Variants in FYN observed in about 807,000 individuals in gnomAD.
The protein encoded by FYN is FYN proto-oncogene, Src family tyrosine kinase.
FYN carries 10 observed loss-of-function variants against 70.2 expected under a neutral mutation model. That is an observed-to-expected ratio of 0.14 (90% confidence interval 0.09 to 0.24). FYN has a LOEUF of 0.24. Ranked by LOEUF, FYN falls within the 10% of genes least tolerant of loss-of-function variation. The pLI is 1.00. For missense variants in FYN, 319 were observed against 673.1 expected (o/e 0.47, Z 5.82); for synonymous variants, 236 against 248.6 (o/e 0.95, Z 0.48).
At chr6:111,729,004 G>A (rs182615985) in intron 3 of FYN, among the ~76,000 whole-genome samples, 2 of 152,102 alleles carry the variant, frequency 1.3e-5, no homozygotes, top group African/African-American at 4.8e-5. Context: ...ATACAATTTA[G>A]ATTAGTGAGA....
intron 12 of FYN, among the ~76,000 whole-genome samples, chr6:111,693,477 C>T (rs1583316902): frequency 6.6e-6 from 1 of 152,104 alleles, no homozygotes; most frequent in Non-Finnish European, 1.5e-5. Context: ...ACCTGGTGAC[C>T]ACTTTGTCAG....
intron 3 of FYN, among the ~76,000 whole-genome samples, chr6:111,728,504 C>G (rs1022572069): frequency 1.3e-5 from 2 of 152,166 alleles, no homozygotes; most frequent in Non-Finnish European, 2.9e-5. Context: ...TCGCTACCCA[C>G]TCCCTTCTCT....
At chr6:111,677,147 T>C (rs1798562899) in intron 12 of FYN, among the ~76,000 whole-genome samples, 1 of 152,216 alleles carries the variant, frequency 6.6e-6, no homozygotes, top group African/African-American at 2.4e-5. Flanking sequence ...AAGCAATATA[T>C]TTACACCAAA....
At chr6:111,743,012 G>A (rs1398036877) in intron 3 of FYN, among the ~76,000 whole-genome samples, 1 of 151,278 alleles carries the variant, frequency 6.6e-6, no homozygotes, top group Non-Finnish European at 1.5e-5. Flanking sequence ...TGTTGCCCAG[G>A]CTGGAGTGCA....
At chr6:111,794,447 A>G (rs1046801232) in intron 2 of FYN, among the ~76,000 whole-genome samples, 3 of 152,202 alleles carry the variant, frequency 2.0e-5, no homozygotes, top group Non-Finnish European at 2.9e-5. Flanking sequence ...GGACAGAGGA[A>G]AATCACCTAG....
intron 2 of FYN, among the ~76,000 whole-genome samples, chr6:111,824,970 G>A (rs1403010619): frequency 6.6e-6 from 1 of 152,308 alleles, no homozygotes; most frequent in East Asian, 1.9e-4. Flanking sequence ...AAACTCCTCT[G>A]AGCTCCCATC....
At chr6:111,699,963 A>G in intron 9 of FYN, 141 bp downstream of exon 9, 1 of 720,824 alleles carries the variant, frequency 1.4e-6, no homozygotes, top group Non-Finnish European at 2.1e-6. Context: ...GTTAAAACCA[A>G]AACTGAAATT....
intron 1 of FYN, among the ~76,000 whole-genome samples, chr6:111,853,234 G>A (rs1276432013): frequency 1.3e-5 from 2 of 152,190 alleles, no homozygotes; most frequent in Admixed American, 1.3e-4. Flanking sequence ...TTCCACTAAT[G>A]GAGAGGATCC....
At chr6:111,779,790 T>C (rs1289051362) in intron 3 of FYN, among the ~76,000 whole-genome samples, 1 of 152,202 alleles carries the variant, frequency 6.6e-6, no homozygotes, top group Non-Finnish European at 1.5e-5. Flanking sequence ...CTGACTTCAA[T>C]GGGAAATGTC....
At chr6:111,704,859 G>C (rs952999749) in intron 6 of FYN, among the ~76,000 whole-genome samples, 1 of 151,862 alleles carries the variant, frequency 6.6e-6, no homozygotes, top group Non-Finnish European at 1.5e-5. Flanking sequence ...TCAGGAGATG[G>C]AGACAATGCT....
At chr6:111,699,388 C>T in intron 9 of FYN, 3 of 983,252 alleles carry the variant, frequency 3.1e-6, no homozygotes, top group East Asian at 2.5e-5. Context: ...ATCTGGATGG[C>T]CTGTGCCCGT....
At chr6:111,835,088 T>G (rs1486595930) in intron 2 of FYN, among the ~76,000 whole-genome samples, 2 of 152,222 alleles carry the variant, frequency 1.3e-5, no homozygotes, top group East Asian at 3.8e-4. Flanking sequence ...GAATGTTTAT[T>G]CTAAAAGCTT....
In FYN at chr6:111,798,340, T is replaced by C. The variant is rs563981610; in HGVS notation, c.-81-17705A>G. The C allele has an allele frequency of 2.6e-5, 4 of 152,340 alleles. No individual in the cohort carries two copies. In the South Asian group the frequency reaches 8.3e-4, roughly 32 times the overall value. 9.4% of individuals were successfully genotyped at this position (152,340 alleles called of 1,614,324 possible). On this transcript the variant is annotated intron_variant, in intron 2 of 13. Coordinates refer to ENST00000354650, the MANE Select transcript of FYN (RefSeq NM_002037.5). ...GTTATTTTAAATAAATATATTCATA[T>C]ATTCCTAAACTCGCCTGCAAAGAGG...
chr6:111,670,839 G>A (rs1798233062), intron 13 of FYN, among the ~76,000 whole-genome samples: 1 of 152,020 alleles, frequency 6.6e-6, no homozygotes, highest in African/African-American at 2.4e-5. Flanking sequence ...AAGGTATTAA[G>A]GTGAAATGAC....
chr6:111,707,864 T>C (rs1800171020), intron 6 of FYN, 58 bp downstream of exon 6: 1 of 1,345,836 alleles, frequency 7.4e-7, no homozygotes, highest in Non-Finnish European at 1.1e-6. Flanking sequence ...GATGGCATTT[T>C]ATTGCGGCAA....
At chr6:111,702,077 A>G (rs993847057) in intron 8 of FYN, among the ~76,000 whole-genome samples, 18 of 152,180 alleles carry the variant, frequency 1.2e-4, no homozygotes, top group Admixed American at 8.5e-4. Context: ...ACACAAAAAA[A>G]TATCTCTAGG....
At chr6:111,672,807 C>G (rs779824733) in intron 13 of FYN, among the ~76,000 whole-genome samples, 2 of 152,200 alleles carry the variant, frequency 1.3e-5, no homozygotes, top group Non-Finnish European at 1.5e-5. Flanking sequence ...ACTGAAGCTA[C>G]GCTGAATGAA....
chr6:111,758,770 A>C (rs1013114893), intron 3 of FYN: 1 of 152,316 alleles, frequency 6.6e-6, no homozygotes, highest in Non-Finnish European at 1.5e-5. Context: ...TGCAGACTGC[A>C]GCCCAGCATT....
intron 3 of FYN, among the ~76,000 whole-genome samples, chr6:111,751,101 A>G (rs1802464895): frequency 6.6e-6 from 1 of 152,230 alleles, no homozygotes. Flanking sequence ...GGCATTGTAT[A>G]CTTTTATTCC....
Sources: gnomAD v4.1 joint callset for allele counts (sites outside exome capture counted in the v4.1 genomes callset) on GRCh38, gnomAD v4.1.1 for gene constraint, MANE v1.5 for transcripts, NCBI Gene and HGNC (gene_info 2026-07-23, HGNC 2026-07-21) for gene names.